Variants in KCNJ15 observed in about 807,000 individuals in gnomAD.
KCNJ15 encodes potassium inwardly rectifying channel subfamily J member 15.
KCNJ15 carries 14 observed loss-of-function variants against 23.0 expected under a neutral mutation model. The observed-to-expected ratio is 0.61, with a 90% CI of 0.40 to 0.95. The LOEUF (loss-of-function observed/expected upper bound fraction) is 0.95. Ranked by LOEUF, KCNJ15 falls within the 40% of genes least tolerant of loss-of-function variation. The probability of loss-of-function intolerance (pLI) is 0.00; values close to 1 mark genes in which losing one functional copy is unlikely to be tolerated. For missense variants in KCNJ15, 388 were observed against 461.8 expected (o/e 0.84, Z 1.46); for synonymous variants, 185 against 183.2 (o/e 1.01, Z -0.08).
chr21:38,297,566 TTGTC>T (rs139801027), intron 2 of KCNJ15, among the ~76,000 whole-genome samples: 4,545 of 152,320 alleles, frequency 0.03, 231 homozygotes, highest in African/African-American at 0.1. Flanking sequence ...TGTTACAAGT[TTGTC>T]TGTGCATTTG....
At chr21:38,297,972 C>A (rs60512157) in intron 2 of KCNJ15, among the ~76,000 whole-genome samples, 15,745 of 152,222 alleles carry the variant, frequency 0.1, 2,305 homozygotes, top group African/African-American at 0.33. Context: ...ATTACTTTCA[C>A]AACTTCTATT....
chr21:38,236,601 T>C (rs1327026606), intron 1 of KCNJ15, among the ~76,000 whole-genome samples: 1 of 152,238 alleles, frequency 6.6e-6, no homozygotes, highest in Non-Finnish European at 1.5e-5. Context: ...CTTTAAAATC[T>C]ACTGTAGACT....
rs562192161 is a variant in KCNJ15, at chr21:38,301,843, A to G, written c.*1454A>G. 6.0e-6 allele frequency: 1 copy of G among 167,174 alleles called. No individual in the cohort carries two copies. Among genetic ancestry groups the G allele is most frequent in the East Asian group, 1.9e-4 (1 of 5,180 alleles). 10.4% of individuals were successfully genotyped at this position (167,174 alleles called of 1,614,324 possible). ...TGTCCAAAAGGTGAATTCTCATTTC[A>G]TTCAAACAAAGACAGATTTGCGCAT... On this transcript the variant is annotated 3_prime_UTR_variant, in exon 3 of 3. Transcript: ENST00000398938.
rs955838091 is a variant in KCNJ15, at chr21:38,240,174, A to G, written c.-398-16872A>G. ...TTGCTGCTTTCCTGTTATTTTTTTA[A>G]TGGCCATCAAGAAATATAGACTCCC... On this transcript the variant is annotated intron_variant, in intron 1 of 4. Coordinates refer to the KCNJ15 transcript ENST00000547341. 1.7e-4 allele frequency among the ~76,000 whole-genome samples: 26 copies of G among 152,028 alleles called. 1 individual carries two copies. Among genetic ancestry groups the G allele is most frequent in the Admixed American group, 1.0e-3 (16 of 15,258 alleles).
chr21:38,285,868 C>T (rs1983831402), intron 1 of KCNJ15, among the ~76,000 whole-genome samples: 1 of 152,166 alleles, frequency 6.6e-6, no homozygotes, highest in African/African-American at 2.4e-5. Context: ...GATGAGTAAG[C>T]TTTGTCTTTC....
intron 1 of KCNJ15, among the ~76,000 whole-genome samples, chr21:38,274,963 C>T (rs1982507210): frequency 6.6e-6 from 1 of 152,070 alleles, no homozygotes; most frequent in East Asian, 1.9e-4. Context: ...CTTCAATTTC[C>T]ACCTCCAGCC....
At chr21:38,283,403 A>G (rs905830197) in intron 1 of KCNJ15, among the ~76,000 whole-genome samples, 3 of 152,234 alleles carry the variant, frequency 2.0e-5, no homozygotes, top group Non-Finnish European at 4.4e-5. Flanking sequence ...GATCTTACCT[A>G]GAGAGAGAAA....
At chr21:38,242,815 C>G (rs1979102123) in intron 1 of KCNJ15, among the ~76,000 whole-genome samples, 1 of 152,154 alleles carries the variant, frequency 6.6e-6, no homozygotes. Context: ...TGTATGCTCA[C>G]TTATAAGCTT....
chr21:38,238,420 T>C, intron 1 of KCNJ15: 1 of 684,780 alleles, frequency 1.5e-6, no homozygotes. Context: ...GTAGACAGGG[T>C]GGACGCACTG....
upstream of KCNJ15, among the ~76,000 whole-genome samples, chr21:38,255,318 A>G (rs370187545): frequency 2.0e-5 from 3 of 152,298 alleles, no homozygotes; most frequent in East Asian, 5.8e-4. Flanking sequence ...ATATACTCAG[A>G]TCCTTTAATT....
Position 38,299,389 on chromosome 21 carries a change from T to G in KCNJ15, c.128T>G (p.Val43Gly). Residue 43 changes from valine to glycine, a missense_variant, in exon 3 of 3, where the codon GTG becomes GGG. Val to Gly is a moderately radical substitution (Grantham distance 109). Transcript: ENST00000398938. The surrounding 1 kb of genome is among the most constrained non-coding windows in gnomAD (Gnocchi z 4.5). ...SGHSNVRIDK[V>G]DGIYLLYLQD... ...CACAGCAACGTGAGAATTGACAAAG[T>G]GGATGGCATATACCTACTCTACCTG... 6.2e-7 allele frequency: 1 copy of G among 1,614,162 alleles called. No homozygotes were observed. The highest frequency in any genetic ancestry group is 8.5e-7 in the Non-Finnish European group (1 of 1,180,018).
chr21:38,275,164 G>A (rs563755726), intron 1 of KCNJ15, among the ~76,000 whole-genome samples: 1 of 152,202 alleles, frequency 6.6e-6, no homozygotes, highest in Admixed American at 6.5e-5. Flanking sequence ...AACCAACGTG[G>A]TGATTCTCTT....
intron 1 of KCNJ15, among the ~76,000 whole-genome samples, chr21:38,263,796 C>G (rs544357046): frequency 6.6e-6 from 1 of 152,136 alleles, no homozygotes; most frequent in Non-Finnish European, 1.5e-5. Flanking sequence ...TTCGGGATTG[C>G]GAAGTGGCTG....
At chr21:38,248,735 T>A (rs546131393) in intron 1 of KCNJ15, among the ~76,000 whole-genome samples, 1 of 152,304 alleles carries the variant, frequency 6.6e-6, no homozygotes, top group African/African-American at 2.4e-5. Context: ...ACATGATTGT[T>A]CCTAGAGGTG....
chr21:38,247,287 T>C (rs1979475879), intron 1 of KCNJ15, among the ~76,000 whole-genome samples: 2 of 150,608 alleles, frequency 1.3e-5, no homozygotes, highest in African/African-American at 2.5e-5. Context: ...AATGGATAGA[T>C]GGATAGATGC....
At chr21:38,233,427 A>G (rs969491917) in intron 1 of KCNJ15, among the ~76,000 whole-genome samples, 13 of 152,100 alleles carry the variant, frequency 8.5e-5, no homozygotes, top group African/African-American at 2.9e-4. Flanking sequence ...ACATTGCATA[A>G]TTATTACTGT....
intron 1 of KCNJ15, among the ~76,000 whole-genome samples, chr21:38,245,208 TCC>T (rs1480134570): frequency 6.6e-6 from 1 of 152,030 alleles, no homozygotes; most frequent in Non-Finnish European, 1.5e-5. Flanking sequence ...CTGGTTCTAT[TCC>T]CAAAGTCCTC....
intron 1 of KCNJ15, among the ~76,000 whole-genome samples, chr21:38,243,799 C>T (rs1427133040): frequency 6.6e-6 from 1 of 152,180 alleles, no homozygotes; most frequent in Non-Finnish European, 1.5e-5. Context: ...AACAAATGGG[C>T]ATGGCTGTCT....
At chr21:38,289,682 G>A (rs936046445) in intron 1 of KCNJ15, among the ~76,000 whole-genome samples, 1 of 152,154 alleles carries the variant, frequency 6.6e-6, no homozygotes, top group African/African-American at 2.4e-5. Flanking sequence ...GCAGGGAGCT[G>A]AGATTGTGCC....
Sources: gnomAD v4.1 joint callset for allele counts (sites outside exome capture counted in the v4.1 genomes callset) on GRCh38, gnomAD v4.1.1 for gene constraint, Gnocchi (gnomAD v3.1) non-coding constraint, MANE v1.5 for transcripts, NCBI Gene and HGNC (gene_info 2026-07-23, HGNC 2026-07-21) for gene names.